EYS: variants seen among roughly 807,000 people sequenced by gnomAD.
EYS encodes the protein EGF-like photoreceptor maintenance factor.
In EYS, 250 loss-of-function variants were observed where a neutral mutation model predicts 282.1. That is an observed-to-expected ratio of 0.89 (90% CI 0.80 to 0.98). The LOEUF is 0.98. Ranked by LOEUF, EYS falls within the 50% of genes least tolerant of loss-of-function variation. The pLI is 0.00. For missense variants in EYS, 4,016 were observed against 3,709.0 expected, an observed-to-expected ratio of 1.08 and a Z score of -2.15; for synonymous variants, 1,355 against 1,282.9, an observed-to-expected ratio of 1.06 and a Z score of -1.20.
chr6:64,436,032 A>G, intron 28 of EYS, 142 bp downstream of exon 28: 1 of 417,368 alleles, frequency 2.4e-6, no homozygotes, highest in Non-Finnish European at 4.3e-6. Flanking sequence ...TATATAGAAA[A>G]GCTTGACAAA....
chr6:64,130,150 A>T (rs1773922935), intron 31 of EYS, among the ~76,000 whole-genome samples: 2 of 152,314 alleles, frequency 1.3e-5, no homozygotes, highest in African/African-American at 4.8e-5. Flanking sequence ...AAAGGATTAT[A>T]AATCATGCTG....
At chr6:65,382,090 T>G (rs2150349975) in intron 8 of EYS, among the ~76,000 whole-genome samples, 1 of 152,004 alleles carries the variant, frequency 6.6e-6, no homozygotes, top group African/African-American at 2.4e-5. Context: ...TGTTGTCTTT[T>G]TAAAAATTAC....
Position 64,043,545 on chromosome 6 carries a change from C to A in EYS, c.6725+22793G>T, listed in dbSNP as rs9450635. Among the ~76,000 whole-genome samples the A allele has an allele frequency of 1.8e-3, 274 of 152,306 alleles. 1 individual carries two copies. Among genetic ancestry groups the A allele is most frequent in the African/African-American group, 6.3e-3 (263 of 41,578 alleles). On this transcript the variant is annotated intron_variant, in intron 33 of 42. Coordinates refer to ENST00000503581, the MANE Select transcript of EYS (RefSeq NM_001142800.2). ...GCTGAGTTCAAAGATAGAGTCCTCTCGAACACCTAGAGGTTCTGACACGAA... is the reference window on the plus strand; with the variant it reads ...GCTGAGTTCAAAGATAGAGTCCTCTAGAACACCTAGAGGTTCTGACACGAA...
At chr6:63,889,653 G>A (rs1773358263) in intron 35 of EYS, among the ~76,000 whole-genome samples, 1 of 152,128 alleles carries the variant, frequency 6.6e-6, no homozygotes, top group Non-Finnish European at 1.5e-5. Flanking sequence ...ACTGGTACGA[G>A]CCACAGCAGA....
At chr6:64,569,468 G>C (rs56360134) in intron 26 of EYS, among the ~76,000 whole-genome samples, 4,597 of 152,080 alleles carry the variant, frequency 0.03, 155 homozygotes, top group East Asian at 0.11. Flanking sequence ...GGAGCCGGGC[G>C]TGGTGGCTCA....
intron 14 of EYS, among the ~76,000 whole-genome samples, chr6:64,979,323 T>C (rs1770577442): frequency 6.6e-6 from 1 of 151,722 alleles, no homozygotes; most frequent in Non-Finnish European, 1.5e-5. Flanking sequence ...TACACAGAAA[T>C]GAAACTATGT....
chr6:65,458,606 C>T (rs1764712608), intron 5 of EYS, among the ~76,000 whole-genome samples: 3 of 152,060 alleles, frequency 2.0e-5, no homozygotes, highest in Non-Finnish European at 4.4e-5. Context: ...TCACTTATTT[C>T]TGTTAATAGA....
chr6:65,483,084 T>C (rs900662811), intron 5 of EYS, among the ~76,000 whole-genome samples: 2 of 152,118 alleles, frequency 1.3e-5, no homozygotes, highest in African/African-American at 4.8e-5. Flanking sequence ...TTACATAACA[T>C]TTCAAATTTG....
At chr6:63,948,719 G>T (rs1006962530) in intron 35 of EYS, among the ~76,000 whole-genome samples, 6 of 151,652 alleles carry the variant, frequency 4.0e-5, no homozygotes, top group Non-Finnish European at 8.8e-5. Flanking sequence ...TATTAACTTG[G>T]TTCCAAACCA....
rs144105818 is a variant in EYS at position 65,009,933 on chromosome 6, G to A, written c.2138-12230C>T. Reference sequence around the variant, plus strand: ...TTCCTTGGCATAACAGGTTTCTGCCGAATATGGATTCCTAGGTATGGCAAA... The same window carrying A: ...TTCCTTGGCATAACAGGTTTCTGCCAAATATGGATTCCTAGGTATGGCAAA... On this transcript the variant is annotated intron_variant, in intron 13 of 42. Coordinates refer to ENST00000503581, the MANE Select transcript of EYS (RefSeq NM_001142800.2). Among the ~76,000 whole-genome samples the A allele has an allele frequency of 8.1e-3, 1,235 of 152,232 alleles. 12 individuals carry two copies. The highest frequency in any genetic ancestry group is 0.028 in the African/African-American group (1,178 of 41,536).
intron 5 of EYS, among the ~76,000 whole-genome samples, chr6:65,473,486 T>C (rs1471128444): frequency 6.6e-6 from 1 of 151,924 alleles, no homozygotes; most frequent in East Asian, 1.9e-4. Context: ...ATGTTGGGAT[T>C]TCCACCAACT....
intron 30 of EYS, among the ~76,000 whole-genome samples, chr6:64,243,211 C>G (rs1439656602): frequency 6.6e-6 from 1 of 152,000 alleles, no homozygotes; most frequent in Non-Finnish European, 1.5e-5. Context: ...CAATCACTCT[C>G]TGTGTTACAT....
intron 2 of EYS, among the ~76,000 whole-genome samples, chr6:65,507,083 C>T (rs1227978223): frequency 6.6e-6 from 1 of 152,062 alleles, no homozygotes; most frequent in Non-Finnish European, 1.5e-5. Flanking sequence ...ATTTCACTCT[C>T]CCTTTTTCAA....
intron 26 of EYS, among the ~76,000 whole-genome samples, chr6:64,467,325 G>A (rs1275367962): frequency 6.6e-6 from 1 of 152,118 alleles, no homozygotes; most frequent in Non-Finnish European, 1.5e-5. Flanking sequence ...TATAATGTCA[G>A]TAGGGCTAGA....
intron 26 of EYS, among the ~76,000 whole-genome samples, chr6:64,556,591 T>C (rs1312051121): frequency 6.6e-6 from 1 of 152,012 alleles, no homozygotes; most frequent in Non-Finnish European, 1.5e-5. Context: ...TCAAATTATA[T>C]ATATACAAGG....
chr6:64,821,624 G>C (rs1483313401), intron 21 of EYS, 21 bp downstream of exon 21: 1 of 1,300,608 alleles, frequency 7.7e-7, no homozygotes, highest in South Asian at 1.4e-5. Context: ...CATATAACTT[G>C]AATAAAATTA....
chr6:65,610,010 C>T (rs1027188), intron 2 of EYS, among the ~76,000 whole-genome samples: 54,293 of 151,960 alleles, frequency 0.36, 12,112 homozygotes, highest in Non-Finnish European at 0.49. Flanking sequence ...AGTATCCTTT[C>T]GAATCAGCCT....
intron 1 of EYS, among the ~76,000 whole-genome samples, chr6:65,657,330 C>A (rs1336396973): frequency 1.3e-5 from 2 of 151,660 alleles, no homozygotes; most frequent in African/African-American, 4.8e-5. Flanking sequence ...TGCCGTAGAT[C>A]GTGATTTCTC....
chr6:65,586,562 G>GA (rs1302370140), intron 2 of EYS, among the ~76,000 whole-genome samples: 1 of 152,038 alleles, frequency 6.6e-6, no homozygotes, highest in East Asian at 1.9e-4. Context: ...TGGAACATTT[G>GA]AGTAGCAACA....
Sources: gnomAD v4.1 joint callset for allele counts (sites outside exome capture counted in the v4.1 genomes callset) on GRCh38, gnomAD v4.1.1 for gene constraint, MANE v1.5 for transcripts, NCBI Gene and HGNC (gene_info 2026-07-23, HGNC 2026-07-21) for gene names.